The following BCAS3 variants were observed in gnomAD, a reference collection of about 807,000 sequenced individuals.
BCAS3 encodes BCAS4/BCAS3 fusion.
A neutral mutation model predicts 116.1 loss-of-function variants in BCAS3; 53 were observed. The observed-to-expected ratio is 0.46, with a 90% CI of 0.37 to 0.57. The LOEUF is 0.57. BCAS3 is among the 20% of genes least tolerant of loss of function. The probability of loss-of-function intolerance (pLI) is 0.00; values close to 1 mark genes in which losing one functional copy is unlikely to be tolerated. For missense variants in BCAS3, 917 were observed against 1,165.4 expected (o/e 0.79, Z 3.10); for synonymous variants, 391 against 408.2 (o/e 0.96, Z 0.51).
intron 22 of BCAS3, among the ~76,000 whole-genome samples, chr17:61,173,285 T>TA (rs1010408502): frequency 1.5e-4 from 23 of 151,478 alleles, no homozygotes. Context: ...CCATCTCTAC[T>TA]AAAAATAGAA....
In BCAS3 at chr17:61,235,895, CATACCCAGAGGCGA is replaced by C. The variant is rs2083018194; in HGVS notation, c.2426-132429_2426-132416del. 6.6e-6 allele frequency among the ~76,000 whole-genome samples: 1 copy of C among 152,200 alleles called. No homozygotes were observed. The highest frequency in any genetic ancestry group is 1.5e-5 in the Non-Finnish European group (1 of 68,042). On this transcript the variant is annotated intron_variant, in intron 22 of 23. Transcript: ENST00000407086. This position sits in a 1 kb window ranked among gnomAD's most constrained non-coding sequence, Gnocchi z 5.0. ...GCCACAGGGTAATCAGCTCACATGA[CATACCCAGAGGCGA>C]ATGCTAGCCTGTGCTGTTTTTGAAC...
At chr17:60,905,274 A>G (rs1467754125) in intron 11 of BCAS3, among the ~76,000 whole-genome samples, 3 of 152,216 alleles carry the variant, frequency 2.0e-5, no homozygotes, top group Non-Finnish European at 2.9e-5. Flanking sequence ...TTGTGTCACA[A>G]TCCATTTGAG....
chr17:60,771,845 G>C (rs1051878002), intron 6 of BCAS3, among the ~76,000 whole-genome samples: 3 of 152,088 alleles, frequency 2.0e-5, no homozygotes, highest in African/African-American at 7.2e-5. Flanking sequence ...TCAGAATGAT[G>C]GTTTCCAGCT....
chr17:60,929,947 A>G (rs1051717575), intron 13 of BCAS3, among the ~76,000 whole-genome samples: 2 of 151,516 alleles, frequency 1.3e-5, no homozygotes, highest in African/African-American at 4.9e-5. Context: ...TATGTGCCAC[A>G]TTTTCTTAAT....
chr17:60,887,023 G>C (rs1292228481), intron 9 of BCAS3: 1 of 156,360 alleles, frequency 6.4e-6, no homozygotes, highest in African/African-American at 2.4e-5. Flanking sequence ...CCTGGGCAAT[G>C]GCGGGCGCCC....
At chr17:61,288,631 G>A (rs910286906) in intron 22 of BCAS3, among the ~76,000 whole-genome samples, 2 of 152,196 alleles carry the variant, frequency 1.3e-5, no homozygotes, top group Admixed American at 6.5e-5. Context: ...GTGCTTTCTT[G>A]TCTGACTGAT....
rs2058083397 is a variant in BCAS3, at chr17:61,355,319, A to G, written c.2426-13008A>G. Among the ~76,000 whole-genome samples the G allele has an allele frequency of 6.6e-6, 1 of 152,186 alleles. No homozygotes were observed. Among genetic ancestry groups the G allele is most frequent in the Non-Finnish European group, 1.5e-5 (1 of 68,048 alleles). On this transcript the variant is annotated intron_variant, in intron 22 of 23. Transcript: ENST00000407086. This position sits in a 1 kb window ranked among gnomAD's most constrained non-coding sequence, Gnocchi z 4.2. ...TTTCAGACTTCAAAGTTCTCAGTTG[A>G]GAGCCTCGTGTTTGACTTATTTGTG...
At chr17:61,254,675 G>C (rs755667092) in intron 22 of BCAS3, among the ~76,000 whole-genome samples, 13 of 143,964 alleles carry the variant, frequency 9.0e-5, no homozygotes, top group Non-Finnish European at 1.7e-4. Context: ...TACTCAGGAG[G>C]CTGAGGTAAG....
chr17:60,819,943 G>A (rs2049781188), intron 7 of BCAS3, among the ~76,000 whole-genome samples: 2 of 151,750 alleles, frequency 1.3e-5, no homozygotes, highest in African/African-American at 4.8e-5. Flanking sequence ...TCATTTCTAA[G>A]CAAGAGGAGA....
intron 22 of BCAS3, among the ~76,000 whole-genome samples, chr17:61,191,680 C>T (rs1328990687): frequency 6.6e-6 from 1 of 151,536 alleles, no homozygotes; most frequent in Non-Finnish European, 1.5e-5. Context: ...GAGACTGAGG[C>T]AGGAGAATGG....
At chr17:60,806,131 C>G (rs1325687231) in intron 6 of BCAS3, among the ~76,000 whole-genome samples, 1 of 152,102 alleles carries the variant, frequency 6.6e-6, no homozygotes, top group East Asian at 1.9e-4. Context: ...CCGCCTCGGC[C>G]TCCCAAAGTG....
rs2049657594 is a variant in BCAS3, at chr17:61,265,890, G to C, written c.2426-102437G>C. 6.6e-6 allele frequency among the ~76,000 whole-genome samples: 1 copy of C among 152,154 alleles called. No individual in the cohort carries two copies. The highest frequency in any genetic ancestry group is 6.5e-5 in the Admixed American group (1 of 15,280). ...TAACTGAGCAGGAGAATAGTTGCTTGTTTCTTTCTCTATATAAAAGACAAA... is the reference window on the plus strand; with the variant it reads ...TAACTGAGCAGGAGAATAGTTGCTTCTTTCTTTCTCTATATAAAAGACAAA... On this transcript the variant is annotated intron_variant, in intron 22 of 23. Coordinates refer to ENST00000407086, the MANE Select transcript of BCAS3 (RefSeq NM_017679.5). This position sits in a 1 kb window ranked among gnomAD's most constrained non-coding sequence, Gnocchi z 4.3.
At position 61,008,900 on chromosome 17, in the gene BCAS3, G is replaced by A. The variant is rs1409253581; in HGVS notation, c.1487-6851G>A. On this transcript the variant is annotated intron_variant, in intron 15 of 23. Transcript: ENST00000407086. The surrounding 1 kb of genome is among the most constrained non-coding windows in gnomAD (Gnocchi z 4.6). ...CTGAGGAGTGCCAGAGAGTCACATT[G>A]ACCTCGGGCTTCAGTGTGGCTCAGT... is the stretch of plus-strand genomic sequence containing the variant. 6.6e-6 allele frequency among the ~76,000 whole-genome samples: 1 copy of A among 151,966 alleles called. No homozygotes were observed. Among genetic ancestry groups the A allele is most frequent in the East Asian group, 1.9e-4 (1 of 5,184 alleles).
At chr17:61,237,136 G>A (rs906195719) in intron 22 of BCAS3, among the ~76,000 whole-genome samples, 3 of 152,278 alleles carry the variant, frequency 2.0e-5, no homozygotes, top group South Asian at 4.2e-4. Context: ...GTAGAGTGGG[G>A]ACTTGGAGAA....
At position 61,114,389 on chromosome 17, in the gene BCAS3, A is replaced by G. The variant is rs984392588; in HGVS notation, c.2425+29825A>G. ...TTAAGCTGATAAGCAACTTCAGCAA[A>G]GTCTCAGGATACAAAATCAATGTAC... is the stretch of plus-strand genomic sequence containing the variant. On this transcript the variant is annotated intron_variant, in intron 22 of 23. Transcript: ENST00000407086. Among the ~76,000 whole-genome samples the G allele has an allele frequency of 6.3e-3, 927 of 147,004 alleles. 5 individuals are homozygous for G. The highest frequency in any genetic ancestry group is 0.028 in the Middle Eastern group (8 of 284).
intron 22 of BCAS3, among the ~76,000 whole-genome samples, chr17:61,358,921 G>C (rs980733532): frequency 7.9e-5 from 12 of 152,092 alleles, no homozygotes; most frequent in Admixed American, 2.6e-4. Context: ...GTTTATCGAA[G>C]AATTTAGGGA....
chr17:60,896,690 T>TC (rs577234895), intron 10 of BCAS3, among the ~76,000 whole-genome samples: 209 of 152,254 alleles, frequency 1.4e-3, no homozygotes, highest in African/African-American at 4.8e-3. Flanking sequence ...TCTTTTTTTT[T>TC]CCCCTTTACT....
intron 14 of BCAS3, among the ~76,000 whole-genome samples, chr17:60,977,149 G>A (rs1424737946): frequency 2.6e-5 from 4 of 152,092 alleles, no homozygotes; most frequent in African/African-American, 9.7e-5. Context: ...CCAGGCGGGG[G>A]CTGCCCCCCA....
chr17:61,271,092 A>G (rs2050197946), intron 22 of BCAS3, among the ~76,000 whole-genome samples: 1 of 144,646 alleles, frequency 6.9e-6, no homozygotes, highest in Non-Finnish European at 1.5e-5. Context: ...AGTTTTTTGT[A>G]CATGGTGTAA....
Sources: allele counts gnomAD v4.1 joint callset (sites outside exome capture counted in the v4.1 genomes callset), GRCh38; gene constraint gnomAD v4.1.1; non-coding constraint Gnocchi (gnomAD v3.1); transcripts MANE v1.5; gene names NCBI Gene and HGNC (gene_info 2026-07-23, HGNC 2026-07-21).